SIN3B: variants seen among roughly 807,000 people sequenced by gnomAD.
The protein encoded by SIN3B is SIN3 transcription regulator family member B.
SIN3B carries 19 observed loss-of-function variants against 120.2 expected under a neutral mutation model. The ratio of observed to expected loss-of-function variants is 0.16; its 90% confidence interval spans 0.11 to 0.23. The LOEUF (loss-of-function observed/expected upper bound fraction) is 0.23. Ranked by LOEUF, SIN3B falls within the 10% of genes least tolerant of loss-of-function variation. The pLI is 1.00. For missense variants in SIN3B, 1,073 were observed against 1,573.0 expected (o/e 0.68, Z 5.38); for synonymous variants, 654 against 653.2 (o/e 1.00, Z -0.02).
At chr19:16,842,770 A>T (rs1007235619) in intron 4 of SIN3B, among the ~76,000 whole-genome samples, 8 of 152,010 alleles carry the variant, frequency 5.3e-5, no homozygotes, top group Non-Finnish European at 1.0e-4. Flanking sequence ...TGGGCAGGAG[A>T]GGTGAGTCAG....
intron 3 of SIN3B, among the ~76,000 whole-genome samples, chr19:16,839,201 C>T (rs1367927372): frequency 6.6e-6 from 1 of 152,144 alleles, no homozygotes; most frequent in African/African-American, 2.4e-5. Flanking sequence ...CTCCTGACTT[C>T]AAGGGATCTG....
chr19:16,851,269 C>T (rs1212874723), intron 5 of SIN3B, 143 bp from the exon 6 acceptor site: 9 of 868,728 alleles, frequency 1.0e-5, no homozygotes, highest in Middle Eastern at 2.4e-4. Flanking sequence ...AGTCACCTCA[C>T]GCATGGACGG....
At chr19:16,872,630 GA>G (rs1276145694) in intron 14 of SIN3B, 1 of 152,122 alleles carries the variant, frequency 6.6e-6, no homozygotes, top group East Asian at 1.9e-4. Flanking sequence ...TTTTAGTAGA[GA>G]GGGGGTTTCA....
rs1336864484 is a variant in SIN3B, at chr19:16,878,566, A to AAT, written c.3233_3234dup (p.Val1079MetfsTer2). 6.2e-7 allele frequency: 1 copy of AAT among 1,609,356 alleles called. No individual in the cohort carries two copies. ...GTGGCACAGCCGCTGGCTGGAGGAC[A>AAT]ATGTGACGGTGGAGGCGGCTAGCCT... On this transcript the variant is annotated frameshift_variant, in exon 19 of 19. Transcript: ENST00000248054. LOFTEE classifies it high-confidence loss of function.
At chr19:16,860,052 G>A (rs1195532564) in intron 8 of SIN3B, among the ~76,000 whole-genome samples, 1 of 152,210 alleles carries the variant, frequency 6.6e-6, no homozygotes, top group African/African-American at 2.4e-5. Context: ...GGGCAGTGCC[G>A]GAGCACAGTC....
At chr19:16,855,902 T>A (rs1359261817) in intron 8 of SIN3B, among the ~76,000 whole-genome samples, 1 of 142,686 alleles carries the variant, frequency 7.0e-6, no homozygotes, top group African/African-American at 2.6e-5. Flanking sequence ...CCAAAAAATA[T>A]AAAAATTCGC....
intron 5 of SIN3B, among the ~76,000 whole-genome samples, chr19:16,849,859 A>G (rs8112533): frequency 0.54 from 81,615 of 151,664 alleles, 22,318 homozygotes; most frequent in Non-Finnish European, 0.59. Context: ...AGAAGGCTGA[A>G]GCAAGAGAAT....
chr19:16,862,409 C>G lies in SIN3B; in HGVS notation c.1116C>G (p.Ser372=), dbSNP rs1413575075. ...FKSFLGVKEL[S]FAPPMSDRSG... The stretch of plus-strand genomic sequence containing the variant: ...CCTTCCTGGGGGTAAAAGAGCTGTC[C>G]TTCGCGCCACCCATGAGCGACAGAT... Residue 372 remains serine (S), a synonymous_variant, in exon 9 of 19, where the codon TCC becomes TCG. Transcript: ENST00000248054. The surrounding 1 kb of genome is among the most constrained non-coding windows in gnomAD (Gnocchi z 4.7). 1.2e-6 allele frequency: 2 copies of G among 1,614,186 alleles called. No individual in the cohort carries two copies. The highest frequency in any genetic ancestry group is 2.2e-5 in the East Asian group (1 of 44,882).
chr19:16,875,852 C>T (rs989059366), intron 14 of SIN3B: 3 of 614,298 alleles, frequency 4.9e-6, no homozygotes, highest in Non-Finnish European at 8.4e-6. Flanking sequence ...CTGGTCTGGT[C>T]TGTTTGGTCT....
intron 8 of SIN3B, 74 bp downstream of exon 8, chr19:16,854,335 A>G (rs968317446): frequency 1.5e-5 from 13 of 863,684 alleles, no homozygotes; most frequent in Admixed American, 1.5e-4. Context: ...GTTTTTAGTT[A>G]CTGTTTTTGA....
chr19:16,848,793 G>A (rs983835156), intron 5 of SIN3B, among the ~76,000 whole-genome samples: 5 of 152,114 alleles, frequency 3.3e-5, no homozygotes, highest in South Asian at 2.1e-4. Flanking sequence ...GAGCCACTGC[G>A]CCCGGCCTAC....
chr19:16,851,881 A>G (rs1488248914), intron 6 of SIN3B, among the ~76,000 whole-genome samples: 1 of 152,220 alleles, frequency 6.6e-6, no homozygotes, highest in East Asian at 1.9e-4. Context: ...TGGTCACTGC[A>G]CAGCTGAGGG....
At chr19:16,858,333 G>A (rs188927102) in intron 8 of SIN3B, among the ~76,000 whole-genome samples, 6 of 152,174 alleles carry the variant, frequency 3.9e-5, no homozygotes, top group Middle Eastern at 6.8e-3. Context: ...ATTCATTTGG[G>A]GTTACACAGG....
chr19:16,863,415 A>T, intron 9 of SIN3B: 1 of 544,782 alleles, frequency 1.8e-6, no homozygotes, highest in Non-Finnish European at 3.3e-6. Context: ...ATAGGATTCC[A>T]TTGGACATCA....
chr19:16,878,697 G>T lies in SIN3B; in HGVS notation c.3363G>T (p.Val1121=). 5 of 1,610,350 alleles carry T rather than the reference G, an allele frequency of 3.1e-6. No homozygotes were observed. The highest frequency in any genetic ancestry group is 4.2e-6 in the Non-Finnish European group (5 of 1,179,154). Residue 1121 remains valine (V), a synonymous_variant, in exon 19 of 19, where the codon GTG becomes GTT. Transcript: ENST00000248054. ...VHGLPVTRYR[V]QYSRRPASP ...GCCTGCCCGTGACCCGCTACCGCGT[G>T]CAGTACAGCCGCCGCCCGGCCTCGC... is the stretch of plus-strand genomic sequence containing the variant.
At chr19:16,866,130 C>T (rs925674100) in intron 11 of SIN3B, among the ~76,000 whole-genome samples, 3 of 152,130 alleles carry the variant, frequency 2.0e-5, no homozygotes, top group Non-Finnish European at 2.9e-5. Flanking sequence ...AACAGCCATG[C>T]GGAGAGTGCT....
At position 16,857,755 on chromosome 19, in the gene SIN3B, C is replaced by T. The variant is rs750795931; in HGVS notation, c.1058+3494C>T. Among the ~76,000 whole-genome samples the T allele has an allele frequency of 4.6e-5, 7 of 152,142 alleles. No individual in the cohort carries two copies. In the East Asian group the frequency reaches 7.7e-4, roughly 17 times the overall value. ...AGAGTGTCCTGACTTCAGGAGTGAC[C>T]GCCACCTGCACTAATGACGGCACAG... On this transcript the variant is annotated intron_variant, in intron 8 of 18. Transcript: ENST00000248054.
intron 6 of SIN3B, 28 bp from the exon 7 acceptor site, chr19:16,853,041 G>A (rs553713190): frequency 1.2e-6 from 2 of 1,600,414 alleles, no homozygotes; most frequent in Admixed American, 1.7e-5. Flanking sequence ...GAGGCACAGT[G>A]TTAACTGCAT....
chr19:16,839,147 T>C lies in SIN3B; in HGVS notation c.382-2621T>C, dbSNP rs536416527. On this transcript the variant is annotated intron_variant, in intron 3 of 18. Transcript: ENST00000248054. ...CACACCTGGCTAATTTTTGTATTTT[T>C]AGTGGAGACGGGGTTTTGCAATGTT... Among the ~76,000 whole-genome samples, 6 of 152,142 alleles carry C rather than the reference T, an allele frequency of 3.9e-5. No individual in the cohort carries two copies. The East Asian group carries it at 1.2e-3, about 29-fold the overall frequency.
Sources: allele counts gnomAD v4.1 joint callset (sites outside exome capture counted in the v4.1 genomes callset), GRCh38; gene constraint gnomAD v4.1.1; non-coding constraint Gnocchi (gnomAD v3.1); transcripts MANE v1.5; gene names NCBI Gene and HGNC (gene_info 2026-07-23, HGNC 2026-07-21).